The following CD9 variants were observed in gnomAD, a reference collection of about 807,000 sequenced individuals.
The protein encoded by CD9 is CD9 antigen.
Under a neutral mutation model 31.4 loss-of-function variants are expected in CD9, and 10 were observed. The observed-to-expected ratio is 0.32, with a 90% CI of 0.20 to 0.54. CD9 has a LOEUF of 0.54. CD9 is among the 20% of genes least tolerant of loss of function. CD9 has a pLI of 0.94. For missense variants in CD9, 259 were observed against 300.1 expected (o/e 0.86, Z 1.01); for synonymous variants, 113 against 114.1 (o/e 0.99, Z 0.06).
intron 2 of CD9, 161 bp downstream of exon 2, chr12:6,225,695 T>A: frequency 1.7e-6 from 1 of 594,594 alleles, no homozygotes; most frequent in Middle Eastern, 4.4e-4. Context: ...AGTTTTTGTG[T>A]GTGTCGTTGT....
chr12:6,226,155 G>A (rs942448584), intron 2 of CD9, among the ~76,000 whole-genome samples: 3 of 152,120 alleles, frequency 2.0e-5, no homozygotes, highest in African/African-American at 2.4e-5. Flanking sequence ...AACCTGCCTG[G>A]GATCCTCTGA....
At chr12:6,200,811 C>A (rs757837815) in intron 1 of CD9, 20 of 432,362 alleles carry the variant, frequency 4.6e-5, no homozygotes, top group Non-Finnish European at 8.1e-5. Flanking sequence ...GGAGCCGGGC[C>A]CTCTTGAGAT....
intron 1 of CD9, among the ~76,000 whole-genome samples, chr12:6,218,671 T>C (rs1261911823): frequency 6.6e-6 from 1 of 152,176 alleles, no homozygotes; most frequent in Non-Finnish European, 1.5e-5. Context: ...TAACTCCAGG[T>C]GTGTGTTTCA....
intron 2 of CD9, among the ~76,000 whole-genome samples, chr12:6,228,411 G>C (rs1946396573): frequency 6.6e-6 from 1 of 152,054 alleles, no homozygotes; most frequent in South Asian, 2.1e-4. Context: ...AATTAGCTGG[G>C]CGTAGTGGCG....
At chr12:6,233,755 G>T (rs1990384) in intron 4 of CD9, among the ~76,000 whole-genome samples, 65,425 of 151,678 alleles carry the variant, frequency 0.43, 14,587 homozygotes, top group Middle Eastern at 0.54. Context: ...GCGTGTGTCT[G>T]TCTGTCCATC....
chr12:6,235,413 A>T (rs771762614), intron 5 of CD9, 63 bp from the exon 6 acceptor site: 2 of 1,613,916 alleles, frequency 1.2e-6, no homozygotes, highest in Non-Finnish European at 1.7e-6. Flanking sequence ...GACCAGTGCA[A>T]ACATTCTAAT....
chr12:6,204,659 C>A (rs533276953), intron 1 of CD9, among the ~76,000 whole-genome samples: 3 of 152,206 alleles, frequency 2.0e-5, no homozygotes, highest in Non-Finnish European at 4.4e-5. Context: ...TGGTGACCAC[C>A]CCACATGGTG....
intron 1 of CD9, among the ~76,000 whole-genome samples, chr12:6,214,103 G>C (rs1212407749): frequency 6.6e-6 from 1 of 152,134 alleles, no homozygotes; most frequent in Non-Finnish European, 1.5e-5. Flanking sequence ...TGTGGAGCTG[G>C]TTCCATCTGA....
chr12:6,229,153 G>A (rs1946408561), intron 2 of CD9, among the ~76,000 whole-genome samples: 1 of 152,172 alleles, frequency 6.6e-6, no homozygotes, highest in African/African-American at 2.4e-5. Context: ...TTGGTCCTAG[G>A]CCAGCAGCCT....
chr12:6,221,813 C>CT (rs1437291675), intron 1 of CD9, among the ~76,000 whole-genome samples: 6 of 62,062 alleles, frequency 9.7e-5, no homozygotes, highest in Non-Finnish European at 3.0e-5. Flanking sequence ...CCTGGCTCTA[C>CT]AAAAAAAAAA....
At chr12:6,207,471 C>T (rs1184245325) in intron 1 of CD9, among the ~76,000 whole-genome samples, 1 of 152,216 alleles carries the variant, frequency 6.6e-6, no homozygotes, top group African/African-American at 2.4e-5. Flanking sequence ...TTAATGAGTG[C>T]TCTGTATTTC....
chr12:6,216,918 A>G lies in CD9; in HGVS notation c.67-8508A>G, dbSNP rs117419538. 2.1e-3 allele frequency among the ~76,000 whole-genome samples: 313 copies of G among 152,278 alleles called. 8 individuals carry two copies. In the East Asian group the frequency reaches 0.031, roughly 15 times the overall value. ...TTATTGTCATTTTTTTTCCCTATGG[A>G]ATCCGGCTGGCTGTAACACTTCACA... On this transcript the variant is annotated intron_variant, in intron 1 of 7. Transcript: ENST00000009180.
chr12:6,207,094 C>G (rs1252666281), intron 1 of CD9, among the ~76,000 whole-genome samples: 2 of 152,136 alleles, frequency 1.3e-5, no homozygotes, highest in African/African-American at 4.8e-5. Flanking sequence ...GTCGCCCAAG[C>G]TGGTCTTGAA....
chr12:6,203,286 T>C (rs190199707), intron 1 of CD9, among the ~76,000 whole-genome samples: 62 of 152,162 alleles, frequency 4.1e-4, no homozygotes, highest in Admixed American at 2.6e-3. Context: ...GGGAAGAAGC[T>C]CCCAAGACTC....
intron 3 of CD9, chr12:6,233,028 G>A (rs774633409): frequency 4.3e-6 from 3 of 702,078 alleles, no homozygotes; most frequent in Non-Finnish European, 7.8e-6. Flanking sequence ...TCTCCTTCTT[G>A]TTTCAAAATC....
chr12:6,213,032 A>G (rs552009407), intron 1 of CD9, among the ~76,000 whole-genome samples: 1 of 152,294 alleles, frequency 6.6e-6, no homozygotes, highest in African/African-American at 2.4e-5. Flanking sequence ...CTTAAGCCTT[A>G]CTTTCCTTAT....
At chr12:6,200,641 G>A in intron 1 of CD9, 76 bp downstream of exon 1, 2 of 1,008,338 alleles carry the variant, frequency 2.0e-6, no homozygotes, top group Non-Finnish European at 3.1e-6. Context: ...CCGCGGCCGC[G>A]AGTGCCGGCA....
At chr12:6,227,477 C>A (rs1328107883) in intron 2 of CD9, among the ~76,000 whole-genome samples, 2 of 152,162 alleles carry the variant, frequency 1.3e-5, no homozygotes, top group African/African-American at 2.4e-5. Flanking sequence ...GGATGACAGG[C>A]GTGAGCCACC....
In CD9 at chr12:6,237,946, T is replaced by A; in HGVS notation, c.*118T>A. The A allele has an allele frequency of 1.4e-6, 1 of 715,702 alleles. No homozygotes were observed. Among genetic ancestry groups the A allele is most frequent in the Non-Finnish European group, 2.5e-6 (1 of 407,882 alleles). The allele number at this position is 715,702 out of a possible 1,614,324, so 44.3% of individuals were successfully genotyped here. A position where few individuals can be genotyped will look rare whatever the true frequency, so the allele number is the denominator to read the frequency against. Reference sequence around the variant, plus strand: ...TGTTTTTTTGCCACTAATTTTAGTATTCATTCTGCATTGCTAGATAAAAGC... The same window carrying A: ...TGTTTTTTTGCCACTAATTTTAGTAATCATTCTGCATTGCTAGATAAAAGC... On this transcript the variant is annotated 3_prime_UTR_variant, in exon 8 of 8. Transcript: ENST00000009180.
Sources: allele counts gnomAD v4.1 joint callset (sites outside exome capture counted in the v4.1 genomes callset), GRCh38; gene constraint gnomAD v4.1.1; transcripts MANE v1.5; gene names NCBI Gene and HGNC (gene_info 2026-07-23, HGNC 2026-07-21).